DMAC2: variants seen among roughly 807,000 people sequenced by gnomAD.
The protein encoded by DMAC2 is distal membrane-arm assembly complex protein 2.
A neutral mutation model predicts 29.6 loss-of-function variants in DMAC2; 32 were observed. The observed-to-expected ratio is 1.08, with a 90% CI of 0.81 to 1.45. The LOEUF is 1.45. Among genes scored for constraint, DMAC2 ranks in the 40% most tolerant of loss-of-function variants. DMAC2 has a pLI of 0.00. For missense variants in DMAC2, 319 were observed against 340.0 expected (o/e 0.94, Z 0.49); for synonymous variants, 133 against 137.4 (o/e 0.97, Z 0.23).
At chr19:41,435,007 C>CA (rs200031507) in intron 3 of DMAC2, among the ~76,000 whole-genome samples, 59,231 of 134,926 alleles carry the variant, frequency 0.44, 12,222 homozygotes, top group African/African-American at 0.51. Flanking sequence ...ACTCTTGTCT[C>CA]AAAAAAAAAA....
intron 3 of DMAC2, among the ~76,000 whole-genome samples, chr19:41,435,152 T>C (rs782243518): frequency 2.0e-5 from 3 of 152,070 alleles, no homozygotes; most frequent in Non-Finnish European, 4.4e-5. Context: ...GGTAATTTTG[T>C]ATTTTGGTAG....
intron 1 of DMAC2, chr19:41,439,607 C>T: frequency 6.7e-7 from 1 of 1,498,798 alleles, no homozygotes; most frequent in Non-Finnish European, 8.9e-7. Context: ...TGGTTAGTCG[C>T]GTCGCTCTTC....
At chr19:41,437,157 T>C (rs1568525894) in intron 2 of DMAC2, among the ~76,000 whole-genome samples, 1 of 152,266 alleles carries the variant, frequency 6.6e-6, no homozygotes, top group East Asian at 1.9e-4. Flanking sequence ...CCCAGCACTT[T>C]GGAAGGCCGA....
At chr19:41,432,660 G>A (rs1306757243) in intron 5 of DMAC2, 13 of 460,144 alleles carry the variant, frequency 2.8e-5, no homozygotes, top group African/African-American at 4.6e-5. Flanking sequence ...CAGCGTGTGT[G>A]TGTGTGTGTG....
At chr19:41,432,438 A>T (rs2039564363) in intron 5 of DMAC2, 30 bp from the exon 6 acceptor site, 1 of 1,608,308 alleles carries the variant, frequency 6.2e-7, no homozygotes, top group Non-Finnish European at 8.5e-7. Flanking sequence ...ACAGGAAGCC[A>T]GTGTAAGGAC....
chr19:41,433,368 C>A lies in DMAC2; in HGVS notation c.500G>T (p.Ser167Ile). The A allele has an allele frequency of 6.2e-7, 1 of 1,612,872 alleles. No homozygotes were observed. The highest frequency in any genetic ancestry group is 1.7e-5 in the Admixed American group (1 of 60,020). ...CGAGTCGGCCAGTGGGTAGAGGCGG[C>A]TGAGACACCAGTCGTCCACGTGGCA... ...RCCHVDDWCL[S>I]RLYPLADSLQ... Residue 167 changes from serine to isoleucine, a missense_variant, in exon 5 of 6, where the codon AGC becomes ATC. Ser to Ile is a moderately radical substitution (Grantham distance 142). Transcript: ENST00000221943.
intron 3 of DMAC2, 147 bp downstream of exon 3, chr19:41,436,245 C>A: frequency 1.4e-6 from 1 of 696,526 alleles, no homozygotes; most frequent in Non-Finnish European, 2.5e-6. Flanking sequence ...CGTGACAAAA[C>A]TGAAGCTCAG....
chr19:41,434,862 C>T (rs782419876), intron 3 of DMAC2, among the ~76,000 whole-genome samples: 3 of 151,880 alleles, frequency 2.0e-5, no homozygotes, highest in Non-Finnish European at 4.4e-5. Context: ...AAAAATTAGC[C>T]GGGCGTGGTA....
At chr19:41,437,553 G>C (rs2039935509) in intron 2 of DMAC2, among the ~76,000 whole-genome samples, 1 of 152,100 alleles carries the variant, frequency 6.6e-6, no homozygotes, top group Non-Finnish European at 1.5e-5. Flanking sequence ...ACAAAAATTA[G>C]CTGGGCCTGG....
chr19:41,436,393 T>C lies in DMAC2; in HGVS notation c.295A>G (p.Lys99Glu). ...FFILKQGGAV[K>E]FRDKEWIRPD... The stretch of plus-strand genomic sequence containing the variant: ...GTTCTAACACCTTAGCGGTCATACT[T>C]GACTGCGCCTCCCTGCTTCAGGATG... The change falls in exon 3 of 6, where the codon AAG becomes GAG. Residue 99 changes from lysine (K) to glutamate (E), a missense_variant and splice_region_variant. Physicochemically the swap from Lys to Glu is moderately conservative, Grantham distance 56. Coordinates refer to ENST00000221943, the MANE Select transcript of DMAC2 (RefSeq NM_018035.3). The C allele has an allele frequency of 6.2e-7, 1 of 1,614,100 alleles. No individual in the cohort carries two copies. Among genetic ancestry groups the C allele is most frequent in the Non-Finnish European group, 8.5e-7 (1 of 1,179,974 alleles).
rs1471702397 is a variant in DMAC2, at chr19:41,433,314, G to A, written c.554C>T (p.Pro185Leu). Residue 185 changes from proline to leucine, a missense_variant, in exon 5 of 6, where the codon CCC (proline) becomes CTC (leucine). Physicochemically the swap from Pro to Leu is moderately conservative, Grantham distance 98 (BLOSUM62 -3). Transcript: ENST00000221943. The part of the protein sequence containing the change: ...SLQELSLAGC[P>L]RISERGLACL... ...GGCGAGGCCCCGTTCGGAGATGCGG[G>A]GGCAACCGGCCAGCGAGAGCTCCTG... 1.2e-6 allele frequency: 2 copies of A among 1,611,210 alleles called. No homozygotes were observed. Among genetic ancestry groups the A allele is most frequent in the African/African-American group, 1.3e-5 (1 of 74,922 alleles).
intron 5 of DMAC2, chr19:41,432,789 T>C (rs1407993512): frequency 0.045 from 14,940 of 332,070 alleles, 97 homozygotes; most frequent in East Asian, 0.09. Flanking sequence ...CGTGCGTGTG[T>C]GTGTGTGTGT....
At chr19:41,432,620 G>C in intron 5 of DMAC2, 2 of 372,378 alleles carry the variant, frequency 5.4e-6, no homozygotes, top group East Asian at 5.5e-5. Flanking sequence ...AGGACAGCAT[G>C]TGTGTGTGTG....
chr19:41,432,730 T>TGTGTGTGTGG (rs781952478), intron 5 of DMAC2: 1 of 356,308 alleles, frequency 2.8e-6, no homozygotes, highest in African/African-American at 3.2e-5. Context: ...TGTGTGTGTG[T>TGTGTGTGTGG]AGGGAGGTAC....
chr19:41,432,415 A>C lies in DMAC2; in HGVS notation c.597-7T>G. Reference sequence around the variant, plus strand: ...GTCCAGCCTGCGGAGGTTCCTGAAAAGGGGTGAGAAGGACAGGAAGCCAGT... The same window carrying C: ...GTCCAGCCTGCGGAGGTTCCTGAAACGGGGTGAGAAGGACAGGAAGCCAGT... On this transcript the variant is annotated splice_region_variant and splice_polypyrimidine_tract_variant and intron_variant, in intron 5 of 5. Coordinates refer to ENST00000221943, the MANE Select transcript of DMAC2 (RefSeq NM_018035.3). The C allele has an allele frequency of 6.2e-7, 1 of 1,612,760 alleles. No individual in the cohort carries two copies. Among genetic ancestry groups the C allele is most frequent in the Non-Finnish European group, 8.5e-7 (1 of 1,179,662 alleles).
Position 41,433,328 on chromosome 19 carries a change from C to G in DMAC2, c.540G>C (p.Ser180=). The G allele has an allele frequency of 1.2e-6, 2 of 1,611,902 alleles. No homozygotes were observed. The highest frequency in any genetic ancestry group is 1.1e-5 in the South Asian group (1 of 91,062). The change falls in exon 5 of 6, where the codon TCG becomes TCC. Residue 180 remains serine (S), a synonymous_variant. Transcript: ENST00000221943. ...CGGAGATGCGGGGGCAACCGGCCAG[C>G]GAGAGCTCCTGCAACGAGTCGGCCA... ...YPLADSLQEL[S]LAGCPRISER... is the part of the protein sequence containing the mutation.
intron 3 of DMAC2, among the ~76,000 whole-genome samples, chr19:41,435,361 C>T (rs2039802724): frequency 6.6e-6 from 1 of 151,946 alleles, no homozygotes; most frequent in South Asian, 2.1e-4. Context: ...CCTCTGCATC[C>T]CGGCTTCTAA....
chr19:41,435,086 C>T (rs2039787289), intron 3 of DMAC2, among the ~76,000 whole-genome samples: 1 of 152,122 alleles, frequency 6.6e-6, no homozygotes, highest in African/African-American at 2.4e-5. Context: ...TCTCTCACTC[C>T]CCCTGACAGG....
intron 3 of DMAC2, 143 bp downstream of exon 3, chr19:41,436,249 A>C: frequency 1.4e-6 from 1 of 701,126 alleles, no homozygotes; most frequent in East Asian, 2.5e-5. Context: ...ACAAAACTGA[A>C]GCTCAGGAAC....
Sources: allele counts gnomAD v4.1 joint callset (sites outside exome capture counted in the v4.1 genomes callset), GRCh38; gene constraint gnomAD v4.1.1; transcripts MANE v1.5; gene names NCBI Gene and HGNC (gene_info 2026-07-23, HGNC 2026-07-21).